AKAP12: variants seen among roughly 807,000 people sequenced by gnomAD.
The protein encoded by AKAP12 is A-kinase anchor protein 12.
Under a neutral mutation model 79.9 loss-of-function variants are expected in AKAP12, and 32 were observed. The observed-to-expected ratio is 0.40, with a 90% CI of 0.30 to 0.54. AKAP12 has a LOEUF of 0.54. Among genes scored for constraint, AKAP12 ranks in the 20% least tolerant of loss-of-function variants. AKAP12 has a pLI of 0.48. For missense variants in AKAP12, 2,074 were observed against 2,177.0 expected (o/e 0.95, Z 0.94); for synonymous variants, 808 against 857.0 (o/e 0.94, Z 1.00).
intron 2 of AKAP12, among the ~76,000 whole-genome samples, chr6:151,248,873 G>A (rs1056266253): frequency 6.6e-6 from 1 of 152,006 alleles, no homozygotes; most frequent in African/African-American, 2.4e-5. Context: ...TGTAATCCCA[G>A]CTACTCGGGA....
chr6:151,265,703 A>G (rs1222016072), intron 2 of AKAP12, among the ~76,000 whole-genome samples: 1 of 152,246 alleles, frequency 6.6e-6, no homozygotes, highest in Non-Finnish European at 1.5e-5. Flanking sequence ...CTAACAGTAC[A>G]TGCAAAGGTA....
At chr6:151,258,649 T>C (rs1022322088) in intron 2 of AKAP12, among the ~76,000 whole-genome samples, 3 of 152,188 alleles carry the variant, frequency 2.0e-5, no homozygotes, top group Non-Finnish European at 4.4e-5. Context: ...TTTTATTTTA[T>C]TAATTTATTT....
Position 151,353,172 on chromosome 6 carries a change from C to G in AKAP12, c.4781C>G (p.Thr1594Arg). Reference sequence around the variant, plus strand: ...GACAGCCAGGACGCTGGACAGGAAACGGAGAAAGAAGGAGAGGAACCTCAG... The same window carrying G: ...GACAGCCAGGACGCTGGACAGGAAAGGGAGAAAGAAGGAGAGGAACCTCAG... ...KADSQDAGQE[T>R]EKEGEEPQAS... The change falls in exon 4 of 5, where the codon ACG becomes AGG. Residue 1594 changes from threonine (T) to arginine (R), a missense_variant. Physicochemically the swap from Thr to Arg is moderately conservative, Grantham distance 71. Coordinates refer to ENST00000402676, the MANE Select transcript of AKAP12 (RefSeq NM_005100.4). 1 of 1,614,098 alleles carries G rather than the reference C, an allele frequency of 6.2e-7. No individual in the cohort carries two copies. Among genetic ancestry groups the G allele is most frequent in the Non-Finnish European group, 8.5e-7 (1 of 1,180,042 alleles).
In AKAP12 at chr6:151,273,951, C is replaced by T. The variant is rs180874868; in HGVS notation, c.163-31796C>T. Among the ~76,000 whole-genome samples, 4 of 152,180 alleles carry T rather than the reference C, an allele frequency of 2.6e-5. 1 individual carries two copies. Among genetic ancestry groups the T allele is most frequent in the African/African-American group, 7.2e-5 (3 of 41,550 alleles). On this transcript the variant is annotated intron_variant, in intron 2 of 4. Coordinates refer to ENST00000402676, the MANE Select transcript of AKAP12 (RefSeq NM_005100.4). ...AACTGAGGCAGGAGACTCGCATGAA[C>T]CCAGGAGGTGGAGGTTGCAGTGAGC...
chr6:151,279,554 G>A (rs1281643031), intron 2 of AKAP12, among the ~76,000 whole-genome samples: 1 of 152,074 alleles, frequency 6.6e-6, no homozygotes, highest in East Asian at 1.9e-4. Context: ...AAGGATAAAG[G>A]TGGGAAAAAT....
intron 2 of AKAP12, among the ~76,000 whole-genome samples, chr6:151,243,358 A>G (rs759662650): frequency 2.0e-5 from 3 of 152,252 alleles, no homozygotes; most frequent in East Asian, 1.9e-4. Flanking sequence ...TGACATTTAT[A>G]TCACATGCAT....
At position 151,351,186 on chromosome 6, in the gene AKAP12, T is replaced by C; in HGVS notation, c.2795T>C (p.Leu932Ser). The change falls in exon 4 of 5, where the codon TTA (leucine) becomes TCA (serine). Residue 932 changes from leucine (L) to serine (S), a missense_variant. By Grantham distance (145) the Leu-to-Ser change is moderately radical. Transcript: ENST00000402676. The surrounding 1 kb of genome is among the most constrained non-coding windows in gnomAD (Gnocchi z 4.4). The part of the protein sequence containing the change: ...LEQVEAEAAL[L>S]TEEVLEREVI... ...CAAGTAGAAGCTGAAGCCGCACTGTTAACTGAGGAGGTATTGGAAAGAGAA... is the reference window on the plus strand; with the variant it reads ...CAAGTAGAAGCTGAAGCCGCACTGTCAACTGAGGAGGTATTGGAAAGAGAA... 1 of 1,614,172 alleles carries C rather than the reference T, an allele frequency of 6.2e-7. No individual in the cohort carries two copies. The highest frequency in any genetic ancestry group is 1.3e-5 in the African/African-American group (1 of 75,014).
In AKAP12 at chr6:151,351,895, CAGTG is replaced by C. The variant is rs753420097; in HGVS notation, c.3507_3510del (p.Ser1169ArgfsTer8). On this transcript the variant is annotated frameshift_variant, in exon 4 of 5. Transcript: ENST00000402676. LOFTEE classifies it low-confidence loss of function (END_TRUNC). This position sits in a 1 kb window ranked among gnomAD's most constrained non-coding sequence, Gnocchi z 4.4. ...CTGACTCGGTGGAAACCCCTACAGA[CAGTG>C]AGACTGATGGAAGCACCCCCGTAGC... 2.5e-6 allele frequency: 4 copies of C among 1,613,988 alleles called. No homozygotes were observed. The highest frequency in any genetic ancestry group is 2.7e-5 in the African/African-American group (2 of 74,908).
At chr6:151,279,747 G>A (rs1399698735) in intron 2 of AKAP12, among the ~76,000 whole-genome samples, 1 of 151,960 alleles carries the variant, frequency 6.6e-6, no homozygotes, top group Admixed American at 6.6e-5. Context: ...GGGGGAGGCT[G>A]AAGTGGGAGG....
intron 2 of AKAP12, among the ~76,000 whole-genome samples, chr6:151,261,362 C>A (rs1797429721): frequency 6.6e-6 from 1 of 151,366 alleles, no homozygotes; most frequent in Non-Finnish European, 1.5e-5. Flanking sequence ...CAGAATGAGA[C>A]TCCATCTAAA....
chr6:151,307,199 G>A (rs1457587547), intron 3 of AKAP12, among the ~76,000 whole-genome samples: 1 of 152,206 alleles, frequency 6.6e-6, no homozygotes, highest in Non-Finnish European at 1.5e-5. Flanking sequence ...TTTTATTATA[G>A]GGCCCAGAGA....
intron 2 of AKAP12, among the ~76,000 whole-genome samples, chr6:151,261,740 T>A (rs746843396): frequency 3.2e-5 from 1 of 31,306 alleles, no homozygotes; most frequent in Non-Finnish European, 5.3e-5. Context: ...TTATTTTATT[T>A]ATTTATTTAT....
intron 3 of AKAP12, among the ~76,000 whole-genome samples, chr6:151,348,152 C>CA (rs35483096): frequency 0.49 from 72,554 of 149,592 alleles, 21,311 homozygotes; most frequent in Non-Finnish European, 0.65. Context: ...GACTCCATCT[C>CA]AAAAAAAACA....
Position 151,304,488 on chromosome 6 carries a change from C to CAAAAAAAAAAAAAAAAAAAAAAAA in AKAP12, c.163-1251_163-1228dup, listed in dbSNP as rs1157088954. 5.2e-4 allele frequency among the ~76,000 whole-genome samples: 24 copies of CAAAAAAAAAAAAAAAAAAAAAAAA among 46,000 alleles called. 3 individuals carry two copies. Among genetic ancestry groups the CAAAAAAAAAAAAAAAAAAAAAAAA allele is most frequent in the South Asian group, 2.0e-3 (1 of 488 alleles). The allele number at this position is 46,000 out of a possible 152,430, so 30.2% of individuals were successfully genotyped here. On this transcript the variant is annotated intron_variant, in intron 2 of 4. Coordinates refer to ENST00000402676, the MANE Select transcript of AKAP12 (RefSeq NM_005100.4). ...TGGGTGAAACAGTGACACTCCATCT[C>CAAAAAAAAAAAAAAAAAAAAAAAA]AAAAAAAAAAAAAAAAAAAAAAAAA...
intron 2 of AKAP12, among the ~76,000 whole-genome samples, chr6:151,302,176 A>G (rs1170825512): frequency 6.6e-6 from 1 of 151,710 alleles, no homozygotes; most frequent in African/African-American, 2.4e-5. Flanking sequence ...ACACTTGGCT[A>G]ATTTTTTGCA....
intron 3 of AKAP12, chr6:151,324,009 A>G: frequency 1.0e-6 from 1 of 985,436 alleles, no homozygotes; most frequent in Non-Finnish European, 1.2e-6. Context: ...TTGCACAGCC[A>G]GGACACTCTG....
chr6:151,298,638 A>G (rs900573937), intron 2 of AKAP12, among the ~76,000 whole-genome samples: 1 of 152,072 alleles, frequency 6.6e-6, no homozygotes, highest in Admixed American at 6.5e-5. Flanking sequence ...TACTAAAAAT[A>G]CAAAAAAATT....
chr6:151,337,464 G>A (rs1371141458), intron 3 of AKAP12, among the ~76,000 whole-genome samples: 5 of 144,338 alleles, frequency 3.5e-5, no homozygotes, highest in African/African-American at 1.1e-4. Context: ...GCAGTGAGCC[G>A]AGATCGCGCC....
At chr6:151,256,675 A>C (rs1016521362) in intron 2 of AKAP12, among the ~76,000 whole-genome samples, 1 of 151,716 alleles carries the variant, frequency 6.6e-6, no homozygotes, top group Non-Finnish European at 1.5e-5. Context: ...TTTTAGATGA[A>C]GTCTCACTCT....
Sources: allele counts gnomAD v4.1 joint callset (sites outside exome capture counted in the v4.1 genomes callset), GRCh38; gene constraint gnomAD v4.1.1; non-coding constraint Gnocchi (gnomAD v3.1); transcripts MANE v1.5; gene names NCBI Gene and HGNC (gene_info 2026-07-23, HGNC 2026-07-21).